The following KDM8 variants were observed in gnomAD, a reference collection of about 807,000 sequenced individuals.
KDM8 encodes the protein lysine demethylase 8.
KDM8 carries 35 observed loss-of-function variants against 46.9 expected under a neutral mutation model. The ratio of observed to expected loss-of-function variants is 0.75; its 90% CI spans 0.57 to 0.99. KDM8 has a LOEUF of 0.99. Among genes scored for constraint, KDM8 ranks in the 50% least tolerant of loss-of-function variants. The pLI, the probability that KDM8 is intolerant of heterozygous loss-of-function variation, is 0.00. For synonymous variants in KDM8, 232 were observed against 227.7 expected (o/e 1.02, Z -0.17); for missense variants, 475 against 537.0 (o/e 0.88, Z 1.14).
intron 1 of KDM8, chr16:27,206,344 C>A: frequency 3.3e-6 from 1 of 300,298 alleles, no homozygotes; most frequent in Non-Finnish European, 4.9e-6. Context: ...TAGATCTCAG[C>A]TCACCCCAAC....
rs1362335617 is a variant in KDM8, at chr16:27,210,142, T to C, written c.19T>C (p.Cys7Arg). 1 of 1,612,962 alleles carries C rather than the reference T, an allele frequency of 6.2e-7. No homozygotes were observed. The highest frequency in any genetic ancestry group is 1.1e-5 in the South Asian group (1 of 91,064). The change falls in exon 2 of 8, where the codon TGC becomes CGC. Residue 7 changes from cysteine to arginine, a missense_variant. Physicochemically the swap from Cys to Arg is radical, Grantham distance 180 (BLOSUM62 -3). Coordinates refer to ENST00000286096, the MANE Select transcript of KDM8 (RefSeq NM_024773.3). ...TGGCCCGATGGCTGGAGACACCCAC[T>C]GCCCCGCAGAGCCCCTGGCCAGAGA... MAGDTH[C>R]PAEPLAREGT...
chr16:27,206,271 G>T, intron 1 of KDM8: 1 of 945,246 alleles, frequency 1.1e-6, no homozygotes. Context: ...GTGTGCGTGT[G>T]CTTTTTTTTT....
Position 27,221,010 on chromosome 16 carries a change from G to C in KDM8, c.*280G>C, listed in dbSNP as rs1222254892. 4 of 487,024 alleles carry C rather than the reference G, an allele frequency of 8.2e-6. No homozygotes were observed. In the East Asian group the frequency reaches 1.6e-4, roughly 20 times the overall value. 30.2% of individuals were successfully genotyped at this position (487,024 alleles called of 1,614,324 possible). A position where few individuals can be genotyped will look rare whatever the true frequency, so the allele number is the denominator to read the frequency against. ...ACAGACAGCCTGCATGGGGACTCTG[G>C]CATCAGAAAGCCGAATGTTTTTGGG... On this transcript the variant is annotated 3_prime_UTR_variant, in exon 8 of 8. Transcript: ENST00000286096.
In KDM8 at chr16:27,210,279, C is replaced by T. The variant is rs143699467; in HGVS notation, c.156C>T (p.Ala52=). The T allele has an allele frequency of 3.7e-6, 6 of 1,613,154 alleles. No homozygotes were observed. Among genetic ancestry groups the T allele is most frequent in the South Asian group, 1.1e-5 (1 of 91,092 alleles). ...ERSVVTLLQR[A]TELFYEGRRD... ...GCGTGGTGACATTGTTGCAGCGAGC[C>T]ACTGAGCTCTTCTACGAGGGCAGGA... is the stretch of plus-strand genomic sequence containing the variant. Residue 52 remains alanine (A), a synonymous_variant, in exon 2 of 8, where the codon GCC becomes GCT. Coordinates refer to ENST00000286096, the MANE Select transcript of KDM8 (RefSeq NM_024773.3).
rs370993178 is a variant in KDM8, at chr16:27,220,906, G to A, written c.*176G>A. On this transcript the variant is annotated 3_prime_UTR_variant, in exon 8 of 8. Transcript: ENST00000286096. ...CAGCACTGGACAGGCACAGAGCAGG[G>A]GCTGCCCAGGAAGGAGCACACTCCA... is the stretch of plus-strand genomic sequence containing the variant. The A allele has an allele frequency of 1.3e-6, 1 of 764,874 alleles. No individual in the cohort carries two copies. Among genetic ancestry groups the A allele is most frequent in the Non-Finnish European group, 2.3e-6 (1 of 444,260 alleles). 47.4% of individuals were successfully genotyped at this position (764,874 alleles called of 1,614,324 possible).
At chr16:27,210,949 A>AT (rs2083477225) in intron 2 of KDM8, among the ~76,000 whole-genome samples, 1 of 151,746 alleles carries the variant, frequency 6.6e-6, no homozygotes, top group Non-Finnish European at 1.5e-5. Flanking sequence ...TTTCTTATTT[A>AT]TTTTTTATTT....
intron 2 of KDM8, chr16:27,211,054 C>T (rs1038011002): frequency 2.3e-6 from 1 of 434,618 alleles, no homozygotes; most frequent in South Asian, 1.7e-5. Flanking sequence ...ACTGAGATTA[C>T]AGGTGTGAGC....
chr16:27,219,438 C>G (rs1425270085), intron 6 of KDM8, among the ~76,000 whole-genome samples: 3 of 152,186 alleles, frequency 2.0e-5, no homozygotes, highest in Non-Finnish European at 4.4e-5. Flanking sequence ...AGACCAGCTT[C>G]CAAATAGGAG....
intron 3 of KDM8, chr16:27,214,449 T>C: frequency 5.8e-6 from 1 of 171,588 alleles, no homozygotes; most frequent in Non-Finnish European, 1.3e-5. Context: ...TTCAGTAACC[T>C]GCCTCAGATC....
Position 27,210,560 on chromosome 16 carries a change from A to G in KDM8, c.437A>G (p.Gln146Arg). 1 of 1,527,468 alleles carries G rather than the reference A, an allele frequency of 6.5e-7. No individual in the cohort carries two copies. Among genetic ancestry groups the G allele is most frequent in the South Asian group, 1.3e-5 (1 of 76,804 alleles). 94.6% of individuals were successfully genotyped at this position (1,527,468 alleles called of 1,614,324 possible). A position where few individuals can be genotyped will look rare whatever the true frequency, so the allele number is the denominator to read the frequency against. The change falls in exon 2 of 8, where the codon CAG becomes CGG. Residue 146 changes from glutamine (Q) to arginine (R), a missense_variant. Gln to Arg is a conservative substitution (Grantham distance 43). Coordinates refer to ENST00000286096, the MANE Select transcript of KDM8 (RefSeq NM_024773.3). ...DILLKVAAIL[Q>R]THLPGKRPAR... ...CTTCTTAAAGTCGCTGCCATCCTCC[A>G]GACACACCTCCCTGGAAAGAGGCCT...
chr16:27,211,135 T>C (rs753519530), intron 2 of KDM8: 4 of 444,340 alleles, frequency 9.0e-6, no homozygotes, highest in Non-Finnish European at 1.8e-5. Context: ...TTTTTTTTTT[T>C]TTTTGCAAAG....
chr16:27,206,975 A>G (rs2083434514), intron 1 of KDM8, among the ~76,000 whole-genome samples: 1 of 152,240 alleles, frequency 6.6e-6, no homozygotes, highest in Admixed American at 6.5e-5. Flanking sequence ...GGCTGCTCCC[A>G]GCGGGGTAGA....
intron 5 of KDM8, among the ~76,000 whole-genome samples, chr16:27,216,712 AGGAC>A (rs1253631117): frequency 1.3e-5 from 2 of 152,168 alleles, no homozygotes; most frequent in Non-Finnish European, 2.9e-5. Flanking sequence ...CCGACATTAA[AGGAC>A]GCTGGCGGTT....
chr16:27,220,584 G>C lies in KDM8; in HGVS notation c.1105G>C (p.Asp369His). 6.2e-7 allele frequency: 1 copy of C among 1,614,098 alleles called. No individual in the cohort carries two copies. Among genetic ancestry groups the C allele is most frequent in the Non-Finnish European group, 8.5e-7 (1 of 1,180,024 alleles). ...TCTTCAGGTTGACGTGGAGAATCCC[G>C]ACCTGGAAAAGTTCCCCAAGTTTGC... ...NTSQVDVENP[D>H]LEKFPKFAKA... Residue 369 changes from aspartate to histidine, a missense_variant, in exon 8 of 8, where the codon GAC (aspartate) becomes CAC (histidine). Transcript: ENST00000286096.
chr16:27,209,183 C>T (rs546619539), intron 1 of KDM8, among the ~76,000 whole-genome samples: 2 of 152,350 alleles, frequency 1.3e-5, no homozygotes, highest in Non-Finnish European at 1.5e-5. Context: ...TTAAGCCCTG[C>T]TTCTGCACAA....
At chr16:27,219,194 C>G (rs773031280) in intron 6 of KDM8, 84 bp downstream of exon 6, 115 of 1,368,748 alleles carry the variant, frequency 8.4e-5, no homozygotes, top group Non-Finnish European at 1.1e-4. Context: ...CTTTAAACAC[C>G]GGGCTCTTAA....
At chr16:27,213,469 T>C (rs983680461) in intron 2 of KDM8, 116 bp from the exon 3 acceptor site, 1 of 975,742 alleles carries the variant, frequency 1.0e-6, no homozygotes, top group Non-Finnish European at 1.6e-6. Flanking sequence ...CTATTGTTGT[T>C]ACTGGTACTC....
Position 27,220,599 on chromosome 16 carries a change from C to T in KDM8, c.1120C>T (p.Pro374Ser), listed in dbSNP as rs779598341. The change falls in exon 8 of 8, where the codon CCC becomes TCC. Residue 374 changes from proline (P) to serine (S), a missense_variant. By Grantham distance (74) the Pro-to-Ser change is moderately conservative (BLOSUM62 -1). Coordinates refer to ENST00000286096, the MANE Select transcript of KDM8 (RefSeq NM_024773.3). The stretch of plus-strand genomic sequence containing the variant: ...GGAGAATCCCGACCTGGAAAAGTTC[C>T]CCAAGTTTGCCAAGGCCCCATTCCT... ...DVENPDLEKF[P>S]KFAKAPFLSC... The T allele has an allele frequency of 3.1e-6, 5 of 1,614,018 alleles. No individual in the cohort carries two copies. The East Asian group carries it at 1.1e-4, about 36-fold the overall frequency.
At position 27,210,468 on chromosome 16, in the gene KDM8, T is replaced by G; in HGVS notation, c.345T>G (p.Thr115=). 6.3e-7 allele frequency: 1 copy of G among 1,590,156 alleles called. No individual in the cohort carries two copies. The highest frequency in any genetic ancestry group is 8.6e-7 in the Non-Finnish European group (1 of 1,164,118). The change falls in exon 2 of 8, where the codon ACT becomes ACG. Residue 115 remains threonine (T), a synonymous_variant. Coordinates refer to ENST00000286096, the MANE Select transcript of KDM8 (RefSeq NM_024773.3). ...CLCQAPEDAN[T]VAAALRVCDM... is the part of the protein sequence containing the mutation. ...GCCAGGCACCTGAGGATGCCAACAC[T>G]GTGGCCGCAGCCCTGCGGGTCTGTG...
Sources: gnomAD v4.1 joint callset for allele counts (sites outside exome capture counted in the v4.1 genomes callset) on GRCh38, gnomAD v4.1.1 for gene constraint, MANE v1.5 for transcripts, NCBI Gene and HGNC (gene_info 2026-07-23, HGNC 2026-07-21) for gene names.